Variants in ATP1A2 observed in about 807,000 individuals in gnomAD.
ATP1A2 encodes the protein sodium/potassium-transporting ATPase subunit alpha-2.
Under a neutral mutation model 113.1 loss-of-function variants are expected in ATP1A2, and 56 were observed. That is an observed-to-expected ratio of 0.49 (90% CI 0.40 to 0.62). The LOEUF is 0.62. Ranked by LOEUF, ATP1A2 falls within the 20% of genes least tolerant of loss-of-function variation. The pLI is 0.00. For missense variants in ATP1A2, 712 were observed against 1,357.8 expected (o/e 0.52, Z 7.47); for synonymous variants, 490 against 526.8 (o/e 0.93, Z 0.96).
At chr1:160,123,840 TG>T in intron 4 of ATP1A2, 102 bp from the exon 5 acceptor site, 1 of 1,022,226 alleles carries the variant, frequency 9.8e-7, no homozygotes, top group African/African-American at 1.6e-5. Flanking sequence ...GACAAAGGTC[TG>T]GGCTGTCATC....
chr1:160,122,444 C>G (rs890981750), intron 3 of ATP1A2, among the ~76,000 whole-genome samples: 1 of 149,332 alleles, frequency 6.7e-6, no homozygotes, highest in Non-Finnish European at 1.5e-5. Context: ...AAGAAACGGT[C>G]CCTGCTTTAA....
At position 160,136,745 on chromosome 1, in the gene ATP1A2, A is replaced by G. The variant is rs12078327; in HGVS notation, c.2709+30A>G. On this transcript the variant is annotated intron_variant, in intron 19 of 22. Transcript: ENST00000361216. ...GTGGTGCTGTGTAAACACAGCGCAC[A>G]TGTGTGAAGGTACGGGAAGCTGAAT... 2,969 of 1,614,138 alleles carry G rather than the reference A, an allele frequency of 1.8e-3. 51 individuals carry two copies. In the African/African-American group the frequency reaches 0.034, roughly 19 times the overall value.
At position 160,130,278 on chromosome 1, in the gene ATP1A2, G is replaced by A. The variant is rs1431246638; in HGVS notation, c.1638G>A (p.Gly546=). The A allele has an allele frequency of 8.7e-6, 14 of 1,614,076 alleles. No individual in the cohort carries two copies. Among genetic ancestry groups the A allele is most frequent in the South Asian group, 1.1e-5 (1 of 91,090 alleles). The part of the protein sequence containing the change: ...QNAYMELGGL[G]ERVLGFCQLN... ...CCTACATGGAGCTGGGGGGACTTGG[G>A]GAGCGTGTGCTGGGTGAGAGGCCAG... Residue 546 remains glycine (G), a synonymous_variant, in exon 12 of 23, where the codon GGG becomes GGA. Transcript: ENST00000361216.
intron 1 of ATP1A2, among the ~76,000 whole-genome samples, chr1:160,119,109 G>C (rs1478476589): frequency 6.6e-6 from 1 of 151,882 alleles, no homozygotes; most frequent in Admixed American, 6.6e-5. Flanking sequence ...GGTGTTGATA[G>C]TGGGTGAGGC....
intron 20 of ATP1A2, among the ~76,000 whole-genome samples, chr1:160,138,458 C>T (rs1252066897): frequency 6.6e-6 from 1 of 152,140 alleles, no homozygotes; most frequent in East Asian, 1.9e-4. Flanking sequence ...TAAATGTGGC[C>T]TTTACAGAAG....
Position 160,123,902 on chromosome 1 carries a change from G to T in ATP1A2, c.382-41G>T, listed in dbSNP as rs41265765. The T allele has an allele frequency of 0.014, 22,345 of 1,583,534 alleles. 256 individuals are homozygous for T. Among genetic ancestry groups the T allele is most frequent in the African/African-American group, 0.056 (4,183 of 74,424 alleles). On this transcript the variant is annotated intron_variant, in intron 4 of 22. Coordinates refer to ENST00000361216, the MANE Select transcript of ATP1A2 (RefSeq NM_000702.4). Reference sequence around the variant, plus strand: ...AAGTGGCAGCTGCCCCTTTAGGGTTGGGGGGAAGGTCAGGTCCCTGAAACT... The same window carrying T: ...AAGTGGCAGCTGCCCCTTTAGGGTTTGGGGGAAGGTCAGGTCCCTGAAACT...
chr1:160,132,132 T>C (rs1651794470), intron 13 of ATP1A2, among the ~76,000 whole-genome samples: 1 of 152,162 alleles, frequency 6.6e-6, no homozygotes, highest in African/African-American at 2.4e-5. Flanking sequence ...AAGAGTATTC[T>C]GCAAAGCAGT....
intron 2 of ATP1A2, 74 bp from the exon 3 acceptor site, chr1:160,121,118 C>A (rs1397044261): frequency 1.8e-5 from 28 of 1,598,974 alleles, no homozygotes; most frequent in Non-Finnish European, 2.1e-5. Flanking sequence ...CTCAACTCAC[C>A]CCTGTGCCCT....
intron 20 of ATP1A2, among the ~76,000 whole-genome samples, chr1:160,139,139 T>C (rs1177436760): frequency 2.0e-5 from 3 of 152,178 alleles, no homozygotes; most frequent in Non-Finnish European, 4.4e-5. Context: ...AGTGAACATA[T>C]ATTAACCACT....
intron 7 of ATP1A2, among the ~76,000 whole-genome samples, chr1:160,126,245 C>G (rs1450622140): frequency 6.6e-6 from 1 of 152,160 alleles, no homozygotes; most frequent in Non-Finnish European, 1.5e-5. Flanking sequence ...CACATCCTCC[C>G]ATATACTTTG....
At chr1:160,126,915 T>C (rs960959142) in intron 7 of ATP1A2, among the ~76,000 whole-genome samples, 3 of 152,378 alleles carry the variant, frequency 2.0e-5, no homozygotes, top group Non-Finnish European at 4.4e-5. Flanking sequence ...GAGATATTTG[T>C]TGAGCACCCG....
At chr1:160,117,766 G>C (rs1651235244) in intron 1 of ATP1A2, among the ~76,000 whole-genome samples, 1 of 152,190 alleles carries the variant, frequency 6.6e-6, no homozygotes, top group Non-Finnish European at 1.5e-5. Context: ...TGGGGGAAGG[G>C]ACGACACTGG....
At chr1:160,122,095 G>A (rs868798883) in intron 3 of ATP1A2, among the ~76,000 whole-genome samples, 32 of 152,148 alleles carry the variant, frequency 2.1e-4, no homozygotes, top group Admixed American at 6.5e-5. Context: ...TCATACCACT[G>A]TACTCCAGAC....
At chr1:160,128,255 G>A (rs1651648438) in intron 8 of ATP1A2, 1 of 428,028 alleles carries the variant, frequency 2.3e-6, no homozygotes, top group African/African-American at 2.0e-5. Flanking sequence ...CACTATCCTG[G>A]TTCGCCTCTC....
rs1455598731 is a variant in ATP1A2, at chr1:160,141,503, CCTAA to C, written c.*184_*187del. The C allele has an allele frequency of 2.7e-6, 2 of 727,846 alleles. No homozygotes were observed. The highest frequency in any genetic ancestry group is 2.7e-5 in the East Asian group (1 of 37,028). The allele number at this position is 727,846 out of a possible 1,614,324, so 45.1% of individuals were successfully genotyped here. A position where few individuals can be genotyped will look rare whatever the true frequency, so the allele number is the denominator to read the frequency against. ...TAAATTGGGGTGATGACCCCATAGA[CCTAA>C]CTGTGAACAATCAGATTAGACACTA... On this transcript the variant is annotated 3_prime_UTR_variant, in exon 23 of 23. Transcript: ENST00000361216.
Position 160,115,809 on chromosome 1 carries a change from G to A in ATP1A2, c.-53G>A, listed in dbSNP as rs978766277. 50 of 1,573,554 alleles carry A rather than the reference G, an allele frequency of 3.2e-5. No individual in the cohort carries two copies. The highest frequency in any genetic ancestry group is 4.0e-5 in the Non-Finnish European group (46 of 1,159,172). On this transcript the variant is annotated 5_prime_UTR_variant, in exon 1 of 23. Coordinates refer to ENST00000361216, the MANE Select transcript of ATP1A2 (RefSeq NM_000702.4). The stretch of plus-strand genomic sequence containing the variant: ...TCCCAGACGGGCTGGTGTGGGCTTG[G>A]GATCCTCCTGGTGACCTCTCCCGCT...
At position 160,141,316 on chromosome 1, in the gene ATP1A2, C is replaced by G; in HGVS notation, c.3057C>G (p.Tyr1019Ter). 6.2e-7 allele frequency: 1 copy of G among 1,614,106 alleles called. No homozygotes were observed. The highest frequency in any genetic ancestry group is 8.5e-7 in the Non-Finnish European group (1 of 1,179,988). The stretch of plus-strand genomic sequence containing the variant: ...CAGGCTGGGTGGAGAAGGAGACATA[C>G]TACTGACCCCATTGGAAGAAGAACC... Reference protein sequence around the residue: ...YPGGWVEKETYY With the variant: ...YPGGWVEKET Residue 1019 changes from tyrosine (Y) to a stop codon, truncating the protein, a stop_gained, in exon 23 of 23, where the codon TAC becomes TAG. Transcript: ENST00000361216. LOFTEE classifies it high-confidence loss of function.
rs371771154 is a variant in ATP1A2, at chr1:160,124,220, C to T, written c.496-76C>T. On this transcript the variant is annotated intron_variant, in intron 5 of 22. Coordinates refer to ENST00000361216, the MANE Select transcript of ATP1A2 (RefSeq NM_000702.4). ...TTATGGGGCTTCTCCTTCTGCTTGA[C>T]GGTGTGGGAGACCAGCAGGAGAAGA... 855 of 1,555,184 alleles carry T rather than the reference C, an allele frequency of 5.5e-4. 10 individuals carry two copies. The South Asian group carries it at 9.0e-3, about 16-fold the overall frequency.
intron 8 of ATP1A2, chr1:160,128,353 C>T: frequency 1.5e-6 from 1 of 678,610 alleles, no homozygotes; most frequent in Non-Finnish European, 2.5e-6. Flanking sequence ...AATCTCCTCC[C>T]AGTTTGCAGT....
Sources: gnomAD v4.1 joint callset for allele counts (sites outside exome capture counted in the v4.1 genomes callset) on GRCh38, gnomAD v4.1.1 for gene constraint, MANE v1.5 for transcripts, NCBI Gene and HGNC (gene_info 2026-07-23, HGNC 2026-07-21) for gene names.